Variants in ANKRD28 observed in about 807,000 individuals in gnomAD.
ANKRD28 encodes the protein ankyrin repeat domain 28, also known as serine/threonine-protein phosphatase 6 regulatory ankyrin repeat subunit A.
ANKRD28 carries 44 observed loss-of-function variants against 126.5 expected under a neutral mutation model. The observed-to-expected ratio is 0.35, with a 90% CI of 0.27 to 0.45. The LOEUF (loss-of-function observed/expected upper bound fraction) is 0.45. Ranked by LOEUF, ANKRD28 falls within the 20% of genes least tolerant of loss-of-function variation. The pLI, the probability that ANKRD28 is intolerant of heterozygous loss-of-function variation, is 1.00. For synonymous variants in ANKRD28, 442 were observed against 468.5 expected (o/e 0.94, Z 0.73); for missense variants, 1,110 against 1,316.6 (o/e 0.84, Z 2.43).
At chr3:15,787,250 C>T (rs1291189791) in intron 2 of ANKRD28, among the ~76,000 whole-genome samples, 2 of 152,114 alleles carry the variant, frequency 1.3e-5, no homozygotes, top group Non-Finnish European at 2.9e-5. Flanking sequence ...TATTTTGAAC[C>T]TCCAAAAACT....
chr3:15,680,714 G>T (rs1008653775), intron 21 of ANKRD28, among the ~76,000 whole-genome samples: 2 of 152,020 alleles, frequency 1.3e-5, no homozygotes, highest in African/African-American at 4.8e-5. Context: ...TGCCCAAGTT[G>T]AAGTGCAGTG....
intron 21 of ANKRD28, among the ~76,000 whole-genome samples, chr3:15,683,232 C>T (rs1363336891): frequency 6.6e-6 from 1 of 152,126 alleles, no homozygotes; most frequent in Non-Finnish European, 1.5e-5. Context: ...TGCTTCTGAA[C>T]AGTTTTATCT....
chr3:15,752,482 T>C (rs2057918290), intron 3 of ANKRD28, among the ~76,000 whole-genome samples: 2 of 152,052 alleles, frequency 1.3e-5, no homozygotes, highest in Non-Finnish European at 2.9e-5. Flanking sequence ...TGCAAACACA[T>C]TAAGACAAAA....
chr3:15,806,270 C>T (rs2060575559), intron 1 of ANKRD28, among the ~76,000 whole-genome samples: 1 of 152,168 alleles, frequency 6.6e-6, no homozygotes. Flanking sequence ...TTTTGAACTT[C>T]TTAAATGGGA....
intron 1 of ANKRD28, among the ~76,000 whole-genome samples, chr3:15,835,071 T>C (rs1216240801): frequency 6.6e-6 from 1 of 151,958 alleles, no homozygotes; most frequent in African/African-American, 2.4e-5. Flanking sequence ...TCTCTTTAAC[T>C]TGGGAGATGG....
rs768054447 is a variant in ANKRD28 at position 15,686,015 on chromosome 3, G to A, written c.2156C>T (p.Ala719Val). Residue 719 changes from alanine to valine, a missense_variant, in exon 20 of 28, where the codon GCG (alanine) becomes GTG (valine). Physicochemically the swap from Ala to Val is moderately conservative, Grantham distance 64. Transcript: ENST00000683139. Reference sequence around the variant, plus strand: ...ATTTCTGCTTACCCCTCTATGCAACGCTGTCCTTCCCCACTTATCTTTGGC... The same window carrying A: ...ATTTCTGCTTACCCCTCTATGCAACACTGTCCTTCCCCACTTATCTTTGGC... The part of the protein sequence containing the change: ...VDAKDKWGRT[A>V]LHRGAVTGHE... 24 of 1,613,172 alleles carry A rather than the reference G, an allele frequency of 1.5e-5. No individual in the cohort carries two copies. Among genetic ancestry groups the A allele is most frequent in the Non-Finnish European group, 4.2e-6 (5 of 1,179,598 alleles).
At chr3:15,677,412 A>G in intron 25 of ANKRD28, 68 bp downstream of exon 25, 2 of 1,180,000 alleles carry the variant, frequency 1.7e-6, no homozygotes, top group Non-Finnish European at 2.5e-6. Flanking sequence ...ATTTTAGTGA[A>G]GTCAAAAAAC....
chr3:15,721,710 C>T (rs1255682676), intron 7 of ANKRD28, among the ~76,000 whole-genome samples: 1 of 152,120 alleles, frequency 6.6e-6, no homozygotes, highest in Non-Finnish European at 1.5e-5. Flanking sequence ...AAAGAGTATG[C>T]TCAAAAATGA....
At chr3:15,694,631 T>C in intron 17 of ANKRD28, 108 bp downstream of exon 17, 1 of 823,970 alleles carries the variant, frequency 1.2e-6, no homozygotes, top group Non-Finnish European at 1.9e-6. Flanking sequence ...ATGATAACTA[T>C]TACATGGACC....
chr3:15,841,295 T>C (rs1575805441), intron 1 of ANKRD28, among the ~76,000 whole-genome samples: 4 of 152,346 alleles, frequency 2.6e-5, no homozygotes, highest in African/African-American at 7.2e-5. Context: ...CAAAGATTTC[T>C]TGGCTAATAC....
chr3:15,819,508 T>C (rs561447025), intron 1 of ANKRD28, among the ~76,000 whole-genome samples: 10 of 152,332 alleles, frequency 6.6e-5, no homozygotes, highest in African/African-American at 2.4e-4. Flanking sequence ...CTTGCTTATA[T>C]AGTCATAAAA....
At chr3:15,849,258 C>T (rs1041494391) in intron 1 of ANKRD28, among the ~76,000 whole-genome samples, 23 of 152,078 alleles carry the variant, frequency 1.5e-4, no homozygotes, top group African/African-American at 5.6e-4. Context: ...CAATACCTAT[C>T]GAAATTACAA....
intron 8 of ANKRD28, 56 bp downstream of exon 8, chr3:15,720,859 A>G: frequency 6.8e-7 from 1 of 1,479,498 alleles, no homozygotes; most frequent in Non-Finnish European, 9.3e-7. Flanking sequence ...TTCACCATTG[A>G]TGTTGTTTTA....
chr3:15,849,398 C>T (rs2061591387), intron 1 of ANKRD28, among the ~76,000 whole-genome samples: 1 of 152,166 alleles, frequency 6.6e-6, no homozygotes, highest in African/African-American at 2.4e-5. Context: ...AAACTTACTA[C>T]TGAAGGAGTG....
intron 2 of ANKRD28, among the ~76,000 whole-genome samples, chr3:15,790,911 T>C (rs1207994335): frequency 6.6e-6 from 1 of 152,020 alleles, no homozygotes; most frequent in African/African-American, 2.4e-5. Flanking sequence ...ACAAGAAAAC[T>C]AGAACTGATA....
chr3:15,734,626 C>G (rs886593053), intron 6 of ANKRD28, among the ~76,000 whole-genome samples: 1 of 152,164 alleles, frequency 6.6e-6, no homozygotes, highest in African/African-American at 2.4e-5. Flanking sequence ...AGAGGCACAA[C>G]CCCAGCCTTA....
intron 18 of ANKRD28, among the ~76,000 whole-genome samples, chr3:15,688,807 T>C (rs985525232): frequency 6.6e-6 from 1 of 152,256 alleles, no homozygotes. Context: ...TTTTAACGTA[T>C]CTGCTACATC....
chr3:15,678,405 G>T, intron 23 of ANKRD28, 51 bp from the exon 24 acceptor site: 1 of 1,506,128 alleles, frequency 6.6e-7, no homozygotes, highest in African/African-American at 1.4e-5. Context: ...TGTTATATAT[G>T]CTGGAAAAAT....
intron 2 of ANKRD28, among the ~76,000 whole-genome samples, chr3:15,790,028 G>T (rs2059955526): frequency 6.6e-6 from 1 of 151,970 alleles, no homozygotes; most frequent in South Asian, 2.1e-4. Flanking sequence ...TATATATGCT[G>T]ATAAACTGGA....
Sources: allele counts gnomAD v4.1 joint callset (sites outside exome capture counted in the v4.1 genomes callset), GRCh38; gene constraint gnomAD v4.1.1; transcripts MANE v1.5; gene names NCBI Gene and HGNC (gene_info 2026-07-23, HGNC 2026-07-21).